Variants in ABTB3 observed in about 807,000 individuals in gnomAD.
ABTB3 encodes ankyrin repeat- and BTB/POZ domain-containing protein 3.
the ABTB3 span, among the ~76,000 whole-genome samples, chr12:107,476,500 T>C: frequency 6.6e-6 from 1 of 152,080 alleles, no homozygotes; most frequent in African/African-American, 2.4e-5. Flanking sequence ...TTTTGCCATC[T>C]TCAAAATAGA....
the ABTB3 span, among the ~76,000 whole-genome samples, chr12:107,628,966 A>T: frequency 6.6e-6 from 1 of 152,154 alleles, no homozygotes; most frequent in Non-Finnish European, 1.5e-5. Flanking sequence ...CCTATAAAGG[A>T]CCTTTGGGAG....
the ABTB3 span, among the ~76,000 whole-genome samples, chr12:107,490,270 C>T: frequency 8.3e-3 from 1,258 of 152,220 alleles, 25 homozygotes; most frequent in African/African-American, 0.028. Flanking sequence ...CTGGTCCCTA[C>T]GGTCAGCAGG....
At chr12:107,445,988 A>T in the ABTB3 span, among the ~76,000 whole-genome samples, 1 of 150,466 alleles carries the variant, frequency 6.6e-6, no homozygotes, top group Admixed American at 6.7e-5. Context: ...CCATCTAGAT[A>T]ATCCAGAATA....
At chr12:107,327,367 C>T in the ABTB3 span, among the ~76,000 whole-genome samples, 1 of 152,136 alleles carries the variant, frequency 6.6e-6, no homozygotes, top group Non-Finnish European at 1.5e-5. Flanking sequence ...TAATATGATA[C>T]TTATTTCACT....
the ABTB3 span, among the ~76,000 whole-genome samples, chr12:107,610,940 T>C: frequency 3.3e-4 from 51 of 152,320 alleles, no homozygotes; most frequent in East Asian, 9.8e-3. Context: ...ACAGCAGTTA[T>C]AAATGCAAGT....
chr12:107,420,528 C>T, the ABTB3 span, among the ~76,000 whole-genome samples: 4 of 152,118 alleles, frequency 2.6e-5, no homozygotes, highest in African/African-American at 9.7e-5. Flanking sequence ...TAAAACCCAC[C>T]CCCATGATTC....
At chr12:107,494,410 G>A in the ABTB3 span, among the ~76,000 whole-genome samples, 38 of 152,284 alleles carry the variant, frequency 2.5e-4, no homozygotes, top group Admixed American at 2.4e-3. Flanking sequence ...GCAGGAATAA[G>A]GAGGTAGGAG....
chr12:107,503,005 A>G, the ABTB3 span, among the ~76,000 whole-genome samples: 53 of 152,294 alleles, frequency 3.5e-4, no homozygotes, highest in African/African-American at 1.3e-3. Context: ...TACCATTGAA[A>G]AGAGTTTGTT....
chr12:107,359,331 T>C, the ABTB3 span, among the ~76,000 whole-genome samples: 1 of 152,130 alleles, frequency 6.6e-6, no homozygotes, highest in Non-Finnish European at 1.5e-5. Flanking sequence ...AAGGGAGAAA[T>C]GACTGCTAAT....
the ABTB3 span, among the ~76,000 whole-genome samples, chr12:107,555,055 C>T: frequency 2.6e-5 from 4 of 152,178 alleles, no homozygotes; most frequent in African/African-American, 9.7e-5. Context: ...CAAGGTCAGA[C>T]GTGGCCAGCC....
chr12:107,422,956 G>T, the ABTB3 span, among the ~76,000 whole-genome samples: 1 of 152,204 alleles, frequency 6.6e-6, no homozygotes, highest in African/African-American at 2.4e-5. Context: ...CATGGGGAAA[G>T]AATATTTCTT....
the ABTB3 span, among the ~76,000 whole-genome samples, chr12:107,471,787 C>T: frequency 6.6e-6 from 1 of 152,066 alleles, no homozygotes; most frequent in African/African-American, 2.4e-5. Flanking sequence ...GCTGAGTGGG[C>T]ATTAACTCTG....
chr12:107,493,999 A>C, the ABTB3 span, among the ~76,000 whole-genome samples: 1 of 152,174 alleles, frequency 6.6e-6, no homozygotes, highest in African/African-American at 2.4e-5. Flanking sequence ...GAACTTTGTT[A>C]TGACAGTGCT....
chr12:107,576,036 C>T, the ABTB3 span, among the ~76,000 whole-genome samples: 18 of 152,174 alleles, frequency 1.2e-4, no homozygotes, highest in South Asian at 4.2e-4. Context: ...CTCCAAAGCC[C>T]GTGCTCCTAA....
At chr12:107,432,184 C>T in the ABTB3 span, among the ~76,000 whole-genome samples, 1 of 152,150 alleles carries the variant, frequency 6.6e-6, no homozygotes, top group African/African-American at 2.4e-5. Flanking sequence ...TATGACCTCC[C>T]TCCACCCACT....
At chr12:107,446,852 T>C in the ABTB3 span, among the ~76,000 whole-genome samples, 1 of 152,192 alleles carries the variant, frequency 6.6e-6, no homozygotes, top group South Asian at 2.1e-4. Flanking sequence ...TGAGCTTCAG[T>C]TTTCTCATCT....
At chr12:107,584,799 T>G in the ABTB3 span, among the ~76,000 whole-genome samples, 1 of 152,242 alleles carries the variant, frequency 6.6e-6, no homozygotes, top group Non-Finnish European at 1.5e-5. Context: ...CTGCCAGAGC[T>G]CTGCTTTTGT....
At chr12:107,361,133 T>G in the ABTB3 span, among the ~76,000 whole-genome samples, 2 of 152,052 alleles carry the variant, frequency 1.3e-5, no homozygotes, top group Admixed American at 1.3e-4. Flanking sequence ...CTTTTCATAT[T>G]TCTGACTACA....
At chr12:107,515,049 G>A in the ABTB3 span, among the ~76,000 whole-genome samples, 2 of 152,214 alleles carry the variant, frequency 1.3e-5, no homozygotes, top group African/African-American at 4.8e-5. Flanking sequence ...CCAGAAGTCC[G>A]ATGAGGAAAA....
Sources: allele counts gnomAD v4.1 joint callset (sites outside exome capture counted in the v4.1 genomes callset), GRCh38; gene constraint gnomAD v4.1.1; transcripts MANE v1.5; gene names NCBI Gene and HGNC (gene_info 2026-07-23, HGNC 2026-07-21).